GALNT1: variants seen among roughly 807,000 people sequenced by gnomAD.
GALNT1 encodes GalNAc transferase 1.
Under a neutral mutation model 65.7 loss-of-function variants are expected in GALNT1, and 17 were observed. The ratio of observed to expected loss-of-function variants is 0.26; its 90% CI spans 0.18 to 0.39. GALNT1 has a LOEUF of 0.39. Ranked by LOEUF, GALNT1 falls within the 10% of genes least tolerant of loss-of-function variation. GALNT1 has a pLI of 1.00. For synonymous variants in GALNT1, 210 were observed against 219.7 expected (o/e 0.96, Z 0.39); for missense variants, 460 against 672.8 (o/e 0.68, Z 3.50).
chr18:35,622,813 C>CAGTAAGTGAGTTGTTTTTTTAACTG (rs2046870615), intron 1 of GALNT1, among the ~76,000 whole-genome samples: 1 of 152,040 alleles, frequency 6.6e-6, no homozygotes, highest in African/African-American at 2.4e-5. Context: ...TTTTTCCCAA[C>CAGTAAGTGAGTTGTTTTTTTAACTG]TTTAACAGTA....
In GALNT1 at chr18:35,649,541, A is replaced by G. The variant is rs531254764; in HGVS notation, c.-103-5019A>G. 3.5e-4 allele frequency among the ~76,000 whole-genome samples: 54 copies of G among 152,336 alleles called. No individual in the cohort carries two copies. The South Asian group carries it at 4.6e-3, about 13-fold the overall frequency. Reference sequence around the variant, plus strand: ...AAAATTGGAAGTTTTAGCTTAATCAATAAAGGTGTATCACCTGAGTATAAA... The same window carrying G: ...AAAATTGGAAGTTTTAGCTTAATCAGTAAAGGTGTATCACCTGAGTATAAA... On this transcript the variant is annotated intron_variant, in intron 1 of 11. Transcript: ENST00000269195.
At chr18:35,627,238 A>G (rs1027713080) in intron 1 of GALNT1, among the ~76,000 whole-genome samples, 2 of 152,220 alleles carry the variant, frequency 1.3e-5, no homozygotes, top group Non-Finnish European at 2.9e-5. Context: ...TCACTAATTC[A>G]TGTAATAGAC....
chr18:35,646,552 G>C (rs532742530), intron 1 of GALNT1, among the ~76,000 whole-genome samples: 2 of 152,306 alleles, frequency 1.3e-5, no homozygotes, highest in South Asian at 4.2e-4. Context: ...GCATAGGAAT[G>C]CTTAAGCATC....
chr18:35,710,123 A>G lies in GALNT1; in HGVS notation c.*353A>G, dbSNP rs2048330700. 1 of 178,162 alleles carries G rather than the reference A, an allele frequency of 5.6e-6. No individual in the cohort carries two copies. The highest frequency in any genetic ancestry group is 1.2e-5 in the Non-Finnish European group (1 of 83,374). 11.0% of individuals were successfully genotyped at this position (178,162 alleles called of 1,614,324 possible). On this transcript the variant is annotated 3_prime_UTR_variant, in exon 12 of 12. Transcript: ENST00000269195. The stretch of plus-strand genomic sequence containing the variant: ...TTTTATGGTTTGCTTGCACATCAGT[A>G]GTTTCTGCTGAACGTGCTGTCATAA...
intron 1 of GALNT1, among the ~76,000 whole-genome samples, chr18:35,584,984 T>G (rs958185737): frequency 2.6e-5 from 4 of 152,176 alleles, no homozygotes; most frequent in African/African-American, 4.8e-5. Flanking sequence ...TCAAGATAAC[T>G]GGGGGTGGAT....
At position 35,643,983 on chromosome 18, in the gene GALNT1, T is replaced by C. The variant is rs757709455; in HGVS notation, c.-103-10577T>C. ...CAGGAAAAATATAAACTTTTAAAGGTATTGGTGGAAGTCAGTTTGTCATCT... is the reference window on the plus strand; with the variant it reads ...CAGGAAAAATATAAACTTTTAAAGGCATTGGTGGAAGTCAGTTTGTCATCT... On this transcript the variant is annotated intron_variant, in intron 1 of 11. Transcript: ENST00000269195. 2.6e-4 allele frequency among the ~76,000 whole-genome samples: 40 copies of C among 152,272 alleles called. 1 individual carries two copies. The highest frequency in any genetic ancestry group is 8.8e-5 in the Non-Finnish European group (6 of 68,026).
chr18:35,667,146 C>T (rs2047561565), intron 3 of GALNT1, among the ~76,000 whole-genome samples: 1 of 152,136 alleles, frequency 6.6e-6, no homozygotes, highest in Non-Finnish European at 1.5e-5. Context: ...TTTGTAGTCT[C>T]CATCTTGCAC....
chr18:35,644,778 G>T (rs972374373), intron 1 of GALNT1, among the ~76,000 whole-genome samples: 1 of 151,998 alleles, frequency 6.6e-6, no homozygotes, highest in Non-Finnish European at 1.5e-5. Context: ...ATCACTTCAG[G>T]TGACGCGTTT....
intron 1 of GALNT1, among the ~76,000 whole-genome samples, chr18:35,604,608 C>T (rs1037322539): frequency 1.3e-5 from 2 of 152,160 alleles, no homozygotes; most frequent in African/African-American, 2.4e-5. Flanking sequence ...AATAGTCATT[C>T]TGACTGGTGT....
chr18:35,587,349 T>C (rs1244837196), intron 1 of GALNT1, among the ~76,000 whole-genome samples: 2 of 152,210 alleles, frequency 1.3e-5, no homozygotes, highest in Non-Finnish European at 2.9e-5. Flanking sequence ...TTCTTGCCTT[T>C]TCTTGCCATG....
At chr18:35,679,682 A>G (rs1280315923) in intron 4 of GALNT1, among the ~76,000 whole-genome samples, 1 of 152,134 alleles carries the variant, frequency 6.6e-6, no homozygotes, top group Non-Finnish European at 1.5e-5. Flanking sequence ...CCGGGTTACC[A>G]TTTCCGGTAT....
At chr18:35,604,498 T>C (rs1354165319) in intron 1 of GALNT1, among the ~76,000 whole-genome samples, 1 of 152,216 alleles carries the variant, frequency 6.6e-6, no homozygotes, top group African/African-American at 2.4e-5. Flanking sequence ...TCCAAGCTGC[T>C]TTCCACAGTG....
In GALNT1 at chr18:35,627,963, G is replaced by T. The variant is rs1050947567; in HGVS notation, c.-103-26597G>T. ...GAGGGTCCTACGCCCACGGAGCCTC[G>T]CTCATTGCTAGCATAGCAGTCTGAG... On this transcript the variant is annotated intron_variant, in intron 1 of 11. Coordinates refer to ENST00000269195, the MANE Select transcript of GALNT1 (RefSeq NM_020474.4). Among the ~76,000 whole-genome samples, 8 of 68,810 alleles carry T rather than the reference G, an allele frequency of 1.2e-4. No homozygotes were observed. The East Asian group carries it at 2.2e-3, about 19-fold the overall frequency. The allele number at this position is 68,810 out of a possible 152,430, so 45.1% of individuals were successfully genotyped here. A position where few individuals can be genotyped will look rare whatever the true frequency, so the allele number is the denominator to read the frequency against.
chr18:35,626,205 A>T (rs553075865), intron 1 of GALNT1, among the ~76,000 whole-genome samples: 1 of 152,036 alleles, frequency 6.6e-6, no homozygotes, highest in South Asian at 2.1e-4. Flanking sequence ...TGACATGCAA[A>T]CTCACTTTGT....
chr18:35,673,144 T>C (rs1174150214), intron 3 of GALNT1, among the ~76,000 whole-genome samples: 1 of 152,154 alleles, frequency 6.6e-6, no homozygotes, highest in Non-Finnish European at 1.5e-5. Flanking sequence ...AGACATCTTA[T>C]GAGATATTGA....
At chr18:35,683,717 T>A in intron 5 of GALNT1, 119 bp downstream of exon 5, 1 of 796,644 alleles carries the variant, frequency 1.3e-6, no homozygotes, top group Non-Finnish European at 1.9e-6. Context: ...AAGTTTGCTT[T>A]AAAATATCCG....
chr18:35,615,054 TAAAAA>T (rs1014858232), intron 1 of GALNT1, among the ~76,000 whole-genome samples: 1 of 151,928 alleles, frequency 6.6e-6, no homozygotes, highest in African/African-American at 2.4e-5. Context: ...TTATTGCTAT[TAAAAA>T]AAACACCCAG....
chr18:35,602,038 G>A (rs2046588526), intron 1 of GALNT1, among the ~76,000 whole-genome samples: 1 of 152,142 alleles, frequency 6.6e-6, no homozygotes, highest in South Asian at 2.1e-4. Flanking sequence ...ACTCCCTTTA[G>A]CATTTGTTAT....
intron 1 of GALNT1, among the ~76,000 whole-genome samples, chr18:35,630,299 G>A (rs1026638325): frequency 6.6e-6 from 1 of 152,108 alleles, no homozygotes; most frequent in Non-Finnish European, 1.5e-5. Context: ...TCACATAGTT[G>A]GAAGTAAAGC....
Sources: gnomAD v4.1 joint callset for allele counts (sites outside exome capture counted in the v4.1 genomes callset) on GRCh38, gnomAD v4.1.1 for gene constraint, MANE v1.5 for transcripts, NCBI Gene and HGNC (gene_info 2026-07-23, HGNC 2026-07-21) for gene names.